VWA3B: variants seen among roughly 807,000 people sequenced by gnomAD.
VWA3B encodes von Willebrand factor A domain-containing protein 3B.
A neutral mutation model predicts 158.3 loss-of-function variants in VWA3B; 138 were observed. The ratio of observed to expected loss-of-function variants is 0.87; its 90% confidence interval spans 0.76 to 1.00. The LOEUF (loss-of-function observed/expected upper bound fraction) is 1.00, where lower values mean the gene tolerates loss of function less well. VWA3B is among the 50% of genes least tolerant of loss of function. The pLI is 0.00. For missense variants in VWA3B, 1,555 were observed against 1,565.1 expected (o/e 0.99, Z 0.11); for synonymous variants, 596 against 587.3 (o/e 1.01, Z -0.21).
intron 2 of VWA3B, among the ~76,000 whole-genome samples, chr2:98,105,488 A>C (rs1406610860): frequency 6.6e-6 from 1 of 152,202 alleles, no homozygotes; most frequent in African/African-American, 2.4e-5. Context: ...ACTGTTTATC[A>C]CCACAAAGAT....
chr2:98,275,784 T>C (rs1030888146), intron 22 of VWA3B, among the ~76,000 whole-genome samples: 2 of 152,124 alleles, frequency 1.3e-5, no homozygotes, highest in Admixed American at 6.5e-5. Flanking sequence ...AGAAGGTGCA[T>C]TAGTGAGGTT....
chr2:98,159,261 T>A (rs752578513), intron 7 of VWA3B, among the ~76,000 whole-genome samples: 3 of 152,106 alleles, frequency 2.0e-5, no homozygotes, highest in Non-Finnish European at 4.4e-5. Context: ...TTTGGTTTGG[T>A]TTTTTTGTTT....
chr2:98,142,562 G>T (rs928574691), intron 7 of VWA3B, among the ~76,000 whole-genome samples: 4 of 152,274 alleles, frequency 2.6e-5, no homozygotes, highest in South Asian at 2.1e-4. Flanking sequence ...CAATGAGCCT[G>T]GTATCTGCTC....
chr2:98,209,814 C>T (rs548083379), intron 12 of VWA3B, among the ~76,000 whole-genome samples: 27 of 152,304 alleles, frequency 1.8e-4, no homozygotes, highest in African/African-American at 5.8e-4. Flanking sequence ...TTAGACCATT[C>T]GGTTATCATG....
chr2:98,095,147 T>C (rs1188336357), intron 2 of VWA3B, among the ~76,000 whole-genome samples: 1 of 152,228 alleles, frequency 6.6e-6, no homozygotes, highest in Non-Finnish European at 1.5e-5. Context: ...GATTGTTTTT[T>C]CTATGTCTGT....
chr2:98,315,286 T>C (rs1691064995), downstream of VWA3B, among the ~76,000 whole-genome samples: 1 of 152,204 alleles, frequency 6.6e-6, no homozygotes, highest in African/African-American at 2.4e-5. Context: ...TAAAAGGGGT[T>C]CAATCTGTTA....
chr2:98,126,461 A>G (rs1051627255), intron 5 of VWA3B, among the ~76,000 whole-genome samples: 1 of 152,182 alleles, frequency 6.6e-6, no homozygotes, highest in Non-Finnish European at 1.5e-5. Flanking sequence ...ACCTGTCCCC[A>G]TGCTAAACTT....
chr2:98,235,957 C>T (rs1574158777), intron 17 of VWA3B, among the ~76,000 whole-genome samples: 1 of 152,156 alleles, frequency 6.6e-6, no homozygotes, highest in South Asian at 2.1e-4. Flanking sequence ...TACAACTAAA[C>T]AGGACCTAAC....
chr2:98,268,609 T>A (rs1375626023), intron 21 of VWA3B, among the ~76,000 whole-genome samples: 1 of 152,124 alleles, frequency 6.6e-6, no homozygotes, highest in East Asian at 1.9e-4. Context: ...TCTGTTTTCT[T>A]TTAGCTCATT....
chr2:98,237,335 A>G (rs1448914704), intron 19 of VWA3B, among the ~76,000 whole-genome samples: 1 of 152,204 alleles, frequency 6.6e-6, no homozygotes, highest in East Asian at 1.9e-4. Context: ...ATATCCCTTT[A>G]TGAAAGGAAA....
Position 98,313,269 on chromosome 2 carries a change from C to A in VWA3B, c.*920C>A. ...TGGTGAAGAAATTAAAGAACTAATC[C>A]ACTTCTAAAAATATGAAAAAAAAAA... On this transcript the variant is annotated 3_prime_UTR_variant, in exon 28 of 28. Coordinates refer to ENST00000477737, the MANE Select transcript of VWA3B (RefSeq NM_144992.5). 6.6e-6 allele frequency: 1 copy of A among 151,016 alleles called. No homozygotes were observed. The allele number at this position is 151,016 out of a possible 1,614,324, so 9.4% of individuals were successfully genotyped here.
chr2:98,250,425 A>G lies in VWA3B; in HGVS notation c.2781A>G (p.Gln927=), dbSNP rs200212048. The G allele has an allele frequency of 4.3e-4, 697 of 1,609,988 alleles. No individual in the cohort carries two copies. Among genetic ancestry groups the G allele is most frequent in the Non-Finnish European group, 5.4e-4 (635 of 1,178,178 alleles). Residue 927 remains glutamine, a synonymous_variant, in exon 20 of 28, where the codon CAA becomes CAG. Transcript: ENST00000477737. ...IYKRKVEQAI[Q]SYEKRLNKIV... is the part of the protein sequence containing the mutation. The stretch of plus-strand genomic sequence containing the variant: ...AGCGAAAAGTGGAACAGGCAATTCA[A>G]TCCTATGAAAAGTGAGTATTACTCT...
chr2:98,217,973 A>G lies in VWA3B; in HGVS notation c.1964A>G (p.Glu655Gly). Residue 655 changes from glutamate (E) to glycine (G), a missense_variant, in exon 14 of 28, where the codon GAG becomes GGG. Transcript: ENST00000477737. ...GAGGTTGCTGCTTTGACTGGAGGAG[A>G]GTTCCATTTTTATAATTTTGGTTGC... ...LKEVAALTGG[E>G]FHFYNFGCKD... is the part of the protein sequence containing the mutation. The G allele has an allele frequency of 6.2e-7, 1 of 1,613,052 alleles. No individual in the cohort carries two copies. The highest frequency in any genetic ancestry group is 8.5e-7 in the Non-Finnish European group (1 of 1,179,638).
At chr2:98,260,233 A>G (rs561571262) in intron 21 of VWA3B, among the ~76,000 whole-genome samples, 2 of 151,784 alleles carry the variant, frequency 1.3e-5, no homozygotes, top group African/African-American at 4.8e-5. Flanking sequence ...TGTTAAGTCT[A>G]GTTCATTTAT....
At chr2:98,258,170 G>A (rs887398338) in intron 21 of VWA3B, among the ~76,000 whole-genome samples, 3 of 151,848 alleles carry the variant, frequency 2.0e-5, no homozygotes, top group Admixed American at 6.6e-5. Flanking sequence ...GACCATAAAT[G>A]TTTGGGTTTA....
chr2:98,325,696 A>G, the VWA3B span, among the ~76,000 whole-genome samples: 4 of 152,354 alleles, frequency 2.6e-5, no homozygotes, highest in East Asian at 5.8e-4. Context: ...CGACATGGCA[A>G]CTATGGCACA....
chr2:98,169,319 G>T (rs1012321831), intron 8 of VWA3B, among the ~76,000 whole-genome samples: 5 of 152,152 alleles, frequency 3.3e-5, no homozygotes, highest in Admixed American at 1.3e-4. Flanking sequence ...TATTATACAT[G>T]AAGTGATGTA....
At chr2:98,295,115 A>T (rs188388789) in intron 23 of VWA3B, among the ~76,000 whole-genome samples, 160 of 152,232 alleles carry the variant, frequency 1.1e-3, no homozygotes, top group Non-Finnish European at 1.9e-3. Flanking sequence ...AAGTCAGCAC[A>T]GAGGGTAGAA....
intron 22 of VWA3B, among the ~76,000 whole-genome samples, chr2:98,278,041 G>A (rs1216218067): frequency 2.6e-5 from 4 of 151,974 alleles, no homozygotes; most frequent in African/African-American, 9.7e-5. Flanking sequence ...AATTCCACTA[G>A]TAAAAACTTT....
Sources: allele counts gnomAD v4.1 joint callset (sites outside exome capture counted in the v4.1 genomes callset), GRCh38; gene constraint gnomAD v4.1.1; transcripts MANE v1.5; gene names NCBI Gene and HGNC (gene_info 2026-07-23, HGNC 2026-07-21).